The following SLC9A7 variants were observed in gnomAD, a reference collection of about 807,000 sequenced individuals.
SLC9A7 encodes sodium/hydrogen exchanger 7.
SLC9A7 carries 19 observed loss-of-function variants against 52.6 expected under a neutral mutation model. The ratio of observed to expected loss-of-function variants is 0.36; its 90% CI spans 0.25 to 0.53. The LOEUF is 0.53. Ranked by LOEUF, SLC9A7 falls within the 20% of genes least tolerant of loss-of-function variation. The probability of loss-of-function intolerance (pLI) is 0.91; values close to 1 mark genes in which losing one functional copy is unlikely to be tolerated. For synonymous variants in SLC9A7, 226 were observed against 252.1 expected (o/e 0.90, Z 0.98); for missense variants, 455 against 597.9 (o/e 0.76, Z 2.49).
intron 1 of SLC9A7, among the ~76,000 whole-genome samples, chrX:46,722,444 G>C (rs768936547): frequency 8.9e-6 from 1 of 111,949 alleles, no homozygotes; most frequent in Non-Finnish European, 1.9e-5. Context: ...GAGAGTGATA[G>C]TTGAGTTCTT....
chrX:46,717,473 G>T (rs2146949160), intron 1 of SLC9A7, among the ~76,000 whole-genome samples: 1 of 111,494 alleles, frequency 9.0e-6, no homozygotes, highest in African/African-American at 3.3e-5. Context: ...TCCACCTCTG[G>T]GGTTCAAGCG....
intron 1 of SLC9A7, among the ~76,000 whole-genome samples, chrX:46,683,825 A>G (rs1021654485): frequency 2.7e-5 from 3 of 112,437 alleles, no homozygotes; most frequent in Non-Finnish European, 5.6e-5. Context: ...AGAATGATAT[A>G]TTTGCTTCCT....
At chrX:46,735,018 T>C (rs1236412583) in intron 1 of SLC9A7, among the ~76,000 whole-genome samples, 1 of 112,118 alleles carries the variant, frequency 8.9e-6, no homozygotes, top group Non-Finnish European at 1.9e-5. Context: ...ATAATGTATC[T>C]ATGTCTTTAT....
intron 1 of SLC9A7, among the ~76,000 whole-genome samples, chrX:46,748,306 A>C (rs1325457193): frequency 9.7e-6 from 1 of 103,568 alleles, no homozygotes; most frequent in African/African-American, 3.5e-5. Context: ...AGATTGCGCC[A>C]TTGCACTCCG....
intron 3 of SLC9A7, 113 bp downstream of exon 3, chrX:46,679,565 G>T: frequency 1.8e-6 from 1 of 555,038 alleles, no homozygotes; most frequent in Non-Finnish European, 3.0e-6. Flanking sequence ...CTCTGAGTGG[G>T]TGCAGAACAA....
intron 1 of SLC9A7, among the ~76,000 whole-genome samples, chrX:46,729,104 T>A (rs1471995835): frequency 3.6e-5 from 4 of 112,219 alleles, no homozygotes; most frequent in African/African-American, 1.3e-4. Context: ...TTAAAAGAAA[T>A]GAATTTTGTT....
At chrX:46,611,140 C>A (rs1255704328) in intron 16 of SLC9A7, among the ~76,000 whole-genome samples, 1 of 111,583 alleles carries the variant, frequency 9.0e-6, no homozygotes, top group Non-Finnish European at 1.9e-5. Flanking sequence ...CCCCTACTAC[C>A]ACTTTAGACA....
chrX:46,654,187 C>T lies in SLC9A7; in HGVS notation c.1042-473G>A, dbSNP rs187579077. 7.7e-3 allele frequency among the ~76,000 whole-genome samples: 853 copies of T among 110,604 alleles called. 6 individuals are homozygous for T. Among genetic ancestry groups the T allele is most frequent in the African/African-American group, 0.027 (820 of 30,331 alleles). On this transcript the variant is annotated intron_variant, in intron 7 of 16. Coordinates refer to ENST00000616978, the MANE Select transcript of SLC9A7 (RefSeq NM_001257291.2). ...GGTGGATCACCTGAGGTCAGGAGTTCAAAACTAGTTTGGCCAACATACTGA... is the reference window on the plus strand; with the variant it reads ...GGTGGATCACCTGAGGTCAGGAGTTTAAAACTAGTTTGGCCAACATACTGA...
chrX:46,607,257 G>A (rs903463335), intron 16 of SLC9A7, 54 bp from the exon 17 acceptor site: 4 of 1,161,326 alleles, frequency 3.4e-6, no homozygotes, highest in Non-Finnish European at 4.6e-6. Context: ...TATCTTCCAG[G>A]TTTGGCACCA....
intron 1 of SLC9A7, among the ~76,000 whole-genome samples, chrX:46,723,599 G>T (rs755680601): frequency 9.0e-6 from 1 of 111,268 alleles, no homozygotes; most frequent in Admixed American, 9.6e-5. Context: ...GTAGCAAAGC[G>T]GGTCAAGAAA....
intron 5 of SLC9A7, among the ~76,000 whole-genome samples, chrX:46,665,033 C>A (rs1204669016): frequency 1.8e-5 from 2 of 111,479 alleles, no homozygotes; most frequent in Non-Finnish European, 3.8e-5. Context: ...TGTGCCCCTC[C>A]TGAGCAAGTC....
intron 8 of SLC9A7, among the ~76,000 whole-genome samples, chrX:46,652,778 G>A (rs886148380): frequency 1.8e-5 from 2 of 111,213 alleles, no homozygotes; most frequent in African/African-American, 6.5e-5. Flanking sequence ...AAGAATGTGA[G>A]GAAGTAAAAC....
At chrX:46,749,423 T>C (rs1484117188) in intron 1 of SLC9A7, among the ~76,000 whole-genome samples, 2 of 111,433 alleles carry the variant, frequency 1.8e-5, no homozygotes, top group Non-Finnish European at 3.8e-5. Flanking sequence ...ACAACTAGCA[T>C]AGAGTGGAGA....
chrX:46,680,896 G>T (rs750879188), intron 2 of SLC9A7, among the ~76,000 whole-genome samples: 1 of 112,141 alleles, frequency 8.9e-6, no homozygotes, highest in African/African-American at 3.2e-5. Flanking sequence ...AGATAAGAGT[G>T]TTCTGCAAAG....
At chrX:46,700,488 T>C (rs1010705212) in intron 1 of SLC9A7, among the ~76,000 whole-genome samples, 11 of 112,188 alleles carry the variant, frequency 9.8e-5, no homozygotes, top group African/African-American at 2.3e-4. Flanking sequence ...CGCTTTGAAA[T>C]AGATTAATCA....
intron 15 of SLC9A7, among the ~76,000 whole-genome samples, chrX:46,615,074 C>T (rs1942922418): frequency 1.8e-5 from 2 of 112,139 alleles, no homozygotes; most frequent in Non-Finnish European, 3.8e-5. Flanking sequence ...GACGGAGTCT[C>T]GCTCTGTTGC....
In SLC9A7 at chrX:46,731,389, C is replaced by T. The variant is rs777473394; in HGVS notation, c.325+27316G>A. ...GGAGGATCACTTGAGGCCAGGAATT[C>T]GAGGGCAGCCTAGGCAACATAGCCA... On this transcript the variant is annotated intron_variant, in intron 1 of 16. Coordinates refer to ENST00000616978, the MANE Select transcript of SLC9A7 (RefSeq NM_001257291.2). Among the ~76,000 whole-genome samples, 23 of 100,415 alleles carry T rather than the reference C, an allele frequency of 2.3e-4. No homozygotes were observed. In the East Asian group the frequency reaches 5.3e-3, roughly 23 times the overall value. The allele number at this position is 100,415 out of a possible 115,157, so 87.2% of individuals were successfully genotyped here. A position where few individuals can be genotyped will look rare whatever the true frequency, so the allele number is the denominator to read the frequency against.
intron 7 of SLC9A7, among the ~76,000 whole-genome samples, chrX:46,659,217 G>A (rs1943765423): frequency 9.0e-6 from 1 of 111,275 alleles, no homozygotes; most frequent in Non-Finnish European, 1.9e-5. Flanking sequence ...TTGATGGGAC[G>A]TATCTCAAAA....
intron 13 of SLC9A7, among the ~76,000 whole-genome samples, chrX:46,634,073 C>T (rs1943278739): frequency 8.9e-6 from 1 of 111,878 alleles, no homozygotes; most frequent in Non-Finnish European, 1.9e-5. Context: ...CTTTATGTAT[C>T]TCTCTCCTGA....
Sources: allele counts gnomAD v4.1 joint callset (sites outside exome capture counted in the v4.1 genomes callset), GRCh38; gene constraint gnomAD v4.1.1; transcripts MANE v1.5; gene names NCBI Gene and HGNC (gene_info 2026-07-23, HGNC 2026-07-21).